TIMELESS: variants seen among roughly 807,000 people sequenced by gnomAD.
TIMELESS encodes the protein timeless circadian regulator.
A neutral mutation model predicts 164.3 loss-of-function variants in TIMELESS; 124 were observed. The observed-to-expected ratio is 0.75, with a 90% CI of 0.65 to 0.88. The LOEUF (loss-of-function observed/expected upper bound fraction) is 0.88. Among genes scored for constraint, TIMELESS ranks in the 40% least tolerant of loss-of-function variants. The pLI, the probability that TIMELESS is intolerant of heterozygous loss-of-function variation, is 0.00. For missense variants in TIMELESS, 1,422 were observed against 1,491.4 expected, an observed-to-expected ratio of 0.95 and a Z score of 0.77; for synonymous variants, 564 against 563.4, an observed-to-expected ratio of 1.00 and a Z score of -0.02.
intron 1 of TIMELESS, among the ~76,000 whole-genome samples, chr12:56,447,761 C>G (rs1384765840): frequency 6.6e-6 from 1 of 152,222 alleles, no homozygotes; most frequent in East Asian, 1.9e-4. Context: ...TAAAAAACTT[C>G]AGGGACACAC....
intron 9 of TIMELESS, 97 bp from the exon 10 acceptor site, chr12:56,430,378 T>C: frequency 7.0e-7 from 1 of 1,427,760 alleles, no homozygotes; most frequent in Non-Finnish European, 9.4e-7. Flanking sequence ...TTTTTGTTTT[T>C]CTTTTGAGAC....
Position 56,423,843 on chromosome 12 carries a change from C to A in TIMELESS, c.1920G>T (p.Glu640Asp), listed in dbSNP as rs139964521. 9.3e-6 allele frequency: 15 copies of A among 1,614,068 alleles called. No homozygotes were observed. Among genetic ancestry groups the A allele is most frequent in the Non-Finnish European group, 1.3e-5 (15 of 1,180,046 alleles). ...TTTGTTTCAGCAACTGGATCTCTTC[C>A]TCTGGAGAAATGTCTTGAGAGCCAA... ...DVFGSQDISP[E>D]EEIQLLKQIL... The change falls in exon 16 of 29, where the codon GAG (glutamate) becomes GAT (aspartate). Residue 640 changes from glutamate to aspartate, a missense_variant. Physicochemically the swap from Glu to Asp is conservative, Grantham distance 45 (BLOSUM62 2). Coordinates refer to ENST00000553532, the MANE Select transcript of TIMELESS (RefSeq NM_003920.5).
intron 1 of TIMELESS, among the ~76,000 whole-genome samples, chr12:56,444,307 T>C (rs1868319179): frequency 1.3e-5 from 2 of 152,210 alleles, no homozygotes; most frequent in African/African-American, 4.8e-5. Context: ...GCCTCCCACC[T>C]GGTTTATCTG....
Position 56,432,425 on chromosome 12 carries a change from C to T in TIMELESS, c.631G>A (p.Glu211Lys), listed in dbSNP as rs748672322. 6 of 1,614,236 alleles carry T rather than the reference C, an allele frequency of 3.7e-6. No individual in the cohort carries two copies. The highest frequency in any genetic ancestry group is 5.1e-6 in the Non-Finnish European group (6 of 1,180,042). The change falls in exon 7 of 29, where the codon GAG becomes AAG. Residue 211 changes from glutamate (E) to lysine (K), a missense_variant. Coordinates refer to ENST00000553532, the MANE Select transcript of TIMELESS (RefSeq NM_003920.5). ...LLLFLASSSA[E>K]EQWSLHVLEI... ...AGCACATGTAGGCTCCATTGCTCCTCAGCAGACGAGCTGGCCAGAAAGAGG... is the reference window on the plus strand; with the variant it reads ...AGCACATGTAGGCTCCATTGCTCCTTAGCAGACGAGCTGGCCAGAAAGAGG...
intron 1 of TIMELESS, among the ~76,000 whole-genome samples, chr12:56,435,638 C>T (rs1363802253): frequency 6.6e-6 from 1 of 152,144 alleles, no homozygotes. Context: ...CATGGTGAAA[C>T]CCCATCTTCT....
intron 26 of TIMELESS, among the ~76,000 whole-genome samples, chr12:56,420,006 C>CAA (rs57647901): frequency 0.073 from 966 of 13,246 alleles, 229 homozygotes; most frequent in South Asian, 0.12. Flanking sequence ...GACTCTGTCT[C>CAA]AAAAAAAAAA....
At position 56,424,862 on chromosome 12, in the gene TIMELESS, C is replaced by T. The variant is rs1394292990; in HGVS notation, c.1768G>A (p.Val590Met). 1.2e-6 allele frequency: 2 copies of T among 1,614,120 alleles called. No homozygotes were observed. The highest frequency in any genetic ancestry group is 2.2e-5 in the East Asian group (1 of 44,900). Reference protein sequence around the residue: ...SVVPFDAASEVPVEEQRAEAM... With the variant: ...SVVPFDAASEMPVEEQRAEAM... Reference sequence around the variant, plus strand: ...TCTGCCCGCTGCTCCTCCACTGGCACCTCTGAGGCCGCATCAAAGGGAACC... The same window carrying T: ...TCTGCCCGCTGCTCCTCCACTGGCATCTCTGAGGCCGCATCAAAGGGAACC... The change falls in exon 15 of 29, where the codon GTG becomes ATG. Residue 590 changes from valine to methionine, a missense_variant. Val to Met is a conservative substitution (Grantham distance 21). Coordinates refer to ENST00000553532, the MANE Select transcript of TIMELESS (RefSeq NM_003920.5).
intron 1 of TIMELESS, among the ~76,000 whole-genome samples, chr12:56,437,944 C>T (rs899326648): frequency 1.3e-5 from 2 of 152,140 alleles, no homozygotes; most frequent in Non-Finnish European, 2.9e-5. Context: ...CAAAAAAACA[C>T]ATAAAAAGAC....
In TIMELESS at chr12:56,416,524, T is replaced by C. The variant is rs1285595081; in HGVS notation, c.*1192A>G. 3 of 152,114 alleles carry C rather than the reference T, an allele frequency of 2.0e-5. No individual in the cohort carries two copies. The highest frequency in any genetic ancestry group is 7.2e-5 in the African/African-American group (3 of 41,418). The allele number at this position is 152,114 out of a possible 1,614,324, so 9.4% of individuals were successfully genotyped here. On this transcript the variant is annotated 3_prime_UTR_variant, in exon 29 of 29. Coordinates refer to ENST00000553532, the MANE Select transcript of TIMELESS (RefSeq NM_003920.5). The stretch of plus-strand genomic sequence containing the variant: ...ACATAATATTTGCAGTATTTATCCA[T>C]CCTTTTCATGCCTAGATTTTGTCCT...
At position 56,434,115 on chromosome 12, in the gene TIMELESS, T is replaced by A; in HGVS notation, c.56A>T (p.Tyr19Phe). ...ELLATCSALG[Y>F]LEGDTYHKEP... is the part of the protein sequence containing the mutation. ...CTTATGGTAAGTGTCTCCCTCCAAG[T>A]ACCCAAGGGCACTACATGTGGCTAG... The change falls in exon 2 of 29, where the codon TAC (tyrosine) becomes TTC (phenylalanine). Residue 19 changes from tyrosine to phenylalanine, a missense_variant. Tyr to Phe is a conservative substitution (Grantham distance 22). Coordinates refer to ENST00000553532, the MANE Select transcript of TIMELESS (RefSeq NM_003920.5). 1 of 1,614,202 alleles carries A rather than the reference T, an allele frequency of 6.2e-7. No homozygotes were observed. Among genetic ancestry groups the A allele is most frequent in the Non-Finnish European group, 8.5e-7 (1 of 1,180,032 alleles).
intron 1 of TIMELESS, among the ~76,000 whole-genome samples, chr12:56,442,170 G>A (rs1868284875): frequency 8.0e-6 from 1 of 125,378 alleles, no homozygotes; most frequent in Non-Finnish European, 1.9e-5. Context: ...GGCAGTACAA[G>A]CTCTAAATAC....
chr12:56,445,251 C>A (rs9739600), intron 1 of TIMELESS, among the ~76,000 whole-genome samples: 2 of 149,452 alleles, frequency 1.3e-5, no homozygotes, highest in African/African-American at 4.9e-5. Context: ...CATGGAGAAA[C>A]CCCATCTCTA....
At position 56,430,863 on chromosome 12, in the gene TIMELESS, A is replaced by C. The variant is rs1452966339; in HGVS notation, c.909+18T>G. On this transcript the variant is annotated intron_variant, in intron 9 of 28. Coordinates refer to ENST00000553532, the MANE Select transcript of TIMELESS (RefSeq NM_003920.5). ...TGCAACTCCACTATGTTCCCACTCC[A>C]GATGTAAGAATACTCACGTTGTGAA... 6.5e-7 allele frequency: 1 copy of C among 1,533,414 alleles called. No homozygotes were observed. The highest frequency in any genetic ancestry group is 8.9e-7 in the Non-Finnish European group (1 of 1,123,458). The allele number at this position is 1,533,414 out of a possible 1,614,324, so 95.0% of individuals were successfully genotyped here.
chr12:56,433,710 A>G lies in TIMELESS; in HGVS notation c.252-58T>C. The G allele has an allele frequency of 3.1e-6, 5 of 1,613,596 alleles. No homozygotes were observed. In the South Asian group the frequency reaches 5.5e-5, roughly 18 times the overall value. On this transcript the variant is annotated intron_variant, in intron 3 of 28. Transcript: ENST00000553532. ...AGTTTCTTTACCAGCTCAAACGCCAAACCTATCAGCTCAAACACCAAAGCC... is the reference window on the plus strand; with the variant it reads ...AGTTTCTTTACCAGCTCAAACGCCAGACCTATCAGCTCAAACACCAAAGCC...
In TIMELESS at chr12:56,421,925, C is replaced by T. The variant is rs750019099; in HGVS notation, c.2616G>A (p.Leu872=). Residue 872 remains leucine (L), a synonymous_variant, in exon 21 of 29, where the codon CTG becomes CTA. Transcript: ENST00000553532. Reference sequence around the variant, plus strand: ...TTTGGAAGTCCTTGACACTGTCAGCCAGTCCCATCTGTACCAGATGGTGGA... The same window carrying T: ...TTTGGAAGTCCTTGACACTGTCAGCTAGTCCCATCTGTACCAGATGGTGGA... The part of the protein sequence containing the change: ...QIIHHLVQMG[L]ADSVKDFQRK... 13 of 1,614,052 alleles carry T rather than the reference C, an allele frequency of 8.1e-6. No homozygotes were observed. The highest frequency in any genetic ancestry group is 1.3e-5 in the African/African-American group (1 of 74,910).
intron 8 of TIMELESS, 79 bp downstream of exon 8, chr12:56,431,392 C>G: frequency 1.8e-6 from 2 of 1,098,308 alleles, no homozygotes; most frequent in Non-Finnish European, 2.6e-6. Context: ...GTTGTTCAAT[C>G]ACCCCACCTT....
intron 1 of TIMELESS, among the ~76,000 whole-genome samples, chr12:56,445,130 T>C (rs1868330355): frequency 6.6e-6 from 1 of 151,870 alleles, no homozygotes; most frequent in Admixed American, 6.6e-5. Flanking sequence ...TTCACCTTAT[T>C]AAAAGAAACC....
intron 1 of TIMELESS, among the ~76,000 whole-genome samples, 196 bp downstream of exon 1, chr12:56,449,114 T>C (rs1268807867): frequency 6.6e-6 from 1 of 152,174 alleles, no homozygotes; most frequent in African/African-American, 2.4e-5. Flanking sequence ...CCGCGTCCGG[T>C]GAGACCCGGG....
chr12:56,438,777 C>CAAAAAAAA (rs34222190), intron 1 of TIMELESS, among the ~76,000 whole-genome samples: 3 of 48,476 alleles, frequency 6.2e-5, no homozygotes, highest in Non-Finnish European at 9.6e-5. Flanking sequence ...AGCTCTGTCT[C>CAAAAAAAA]AAAAAAAAAA....
Sources: gnomAD v4.1 joint callset for allele counts (sites outside exome capture counted in the v4.1 genomes callset) on GRCh38, gnomAD v4.1.1 for gene constraint, MANE v1.5 for transcripts, NCBI Gene and HGNC (gene_info 2026-07-23, HGNC 2026-07-21) for gene names.